EPS15: variants seen among roughly 807,000 people sequenced by gnomAD.
EPS15 encodes epidermal growth factor receptor substrate 15.
Under a neutral mutation model 113.8 loss-of-function variants are expected in EPS15, and 72 were observed. The observed-to-expected ratio is 0.63, with a 90% CI of 0.52 to 0.77. EPS15 has a LOEUF of 0.77. EPS15 is among the 30% of genes least tolerant of loss of function. The probability of loss-of-function intolerance (pLI) is 0.00; values close to 1 mark genes in which losing one functional copy is unlikely to be tolerated. For missense variants in EPS15, 1,048 were observed against 1,045.8 expected (o/e 1.00, Z -0.03); for synonymous variants, 344 against 363.4 (o/e 0.95, Z 0.61).
intron 1 of EPS15, among the ~76,000 whole-genome samples, chr1:51,495,695 C>A (rs576972132): frequency 0.03 from 4,521 of 151,628 alleles, 71 homozygotes; most frequent in African/African-American, 0.05. Context: ...AAAAAAAAAA[C>A]CTCTCCTTAA....
At chr1:51,518,468 T>G (rs1644768134) in intron 1 of EPS15, 1 of 152,478 alleles carries the variant, frequency 6.6e-6, no homozygotes, top group African/African-American at 2.4e-5. Flanking sequence ...GAGGGGAAGT[T>G]GAAGTGGAAG....
chr1:51,481,887 C>T (rs1644026787), intron 1 of EPS15, among the ~76,000 whole-genome samples: 3 of 152,156 alleles, frequency 2.0e-5, no homozygotes, highest in Admixed American at 2.0e-4. Flanking sequence ...TTTGAAGGAT[C>T]GACTGGGTGC....
chr1:51,372,472 T>C (rs895117282), intron 21 of EPS15: 11 of 533,680 alleles, frequency 2.1e-5, no homozygotes, highest in African/African-American at 1.5e-4. Flanking sequence ...GTCTGGTTTT[T>C]AGACCATGAT....
chr1:51,510,581 C>T (rs1644601977), intron 1 of EPS15, among the ~76,000 whole-genome samples: 1 of 152,028 alleles, frequency 6.6e-6, no homozygotes, highest in South Asian at 2.1e-4. Flanking sequence ...GATACTTAGC[C>T]CACTAGATAG....
chr1:51,436,943 C>T (rs974168206), intron 12 of EPS15, among the ~76,000 whole-genome samples: 2 of 152,020 alleles, frequency 1.3e-5, no homozygotes, highest in African/African-American at 4.8e-5. Flanking sequence ...GTCTTGAGCT[C>T]AAGTAAGAGA....
chr1:51,460,396 TGAAACTCAA>T (rs1654351075), intron 8 of EPS15, among the ~76,000 whole-genome samples: 1 of 152,174 alleles, frequency 6.6e-6, no homozygotes, highest in African/African-American at 2.4e-5. Context: ...ATAAATGAAG[TGAAACTCAA>T]GTGTTATTCA....
chr1:51,476,617 T>G (rs1267200622), intron 2 of EPS15, among the ~76,000 whole-genome samples: 1 of 152,232 alleles, frequency 6.6e-6, no homozygotes, highest in Non-Finnish European at 1.5e-5. Flanking sequence ...GCTAGCGGTC[T>G]ATCAATTTTG....
At chr1:51,469,823 C>T (rs1302566149) in intron 4 of EPS15, among the ~76,000 whole-genome samples, 5 of 152,064 alleles carry the variant, frequency 3.3e-5, no homozygotes, top group African/African-American at 1.2e-4. Flanking sequence ...AGAAAAACTA[C>T]CGCCTATGTC....
Position 51,374,217 on chromosome 1 carries a change from C to T in EPS15, c.2120-8188G>A, listed in dbSNP as rs530431108. On this transcript the variant is annotated intron_variant, in intron 21 of 24. Transcript: ENST00000371733. ...TTTAATTAACAGTTGGGAAGTTCTG[C>T]ATTTTCTGTCAGGAGTTAGTAAAAT... 2.0e-5 allele frequency among the ~76,000 whole-genome samples: 3 copies of T among 152,302 alleles called. No individual in the cohort carries two copies. The East Asian group carries it at 5.8e-4, about 29-fold the overall frequency.
rs34686780 is a variant in EPS15 at position 51,498,811 on chromosome 1, T to C, written c.34-17497A>G. ...AATTTGCCTGTTTTGAATACCTTAT[T>C]GCCACAGTTTGAATGTTTGTGTCCC... is the stretch of plus-strand genomic sequence containing the variant. On this transcript the variant is annotated intron_variant, in intron 1 of 24. Transcript: ENST00000371733. Among the ~76,000 whole-genome samples, 1,231 of 152,316 alleles carry C rather than the reference T, an allele frequency of 8.1e-3. 10 individuals carry two copies. Among genetic ancestry groups the C allele is most frequent in the Admixed American group, 0.018 (270 of 15,294 alleles).
chr1:51,364,069 C>CA lies in EPS15; in HGVS notation c.2197-42dup, dbSNP rs200761244. The CA allele has an allele frequency of 2.2e-4, 327 of 1,473,982 alleles. No homozygotes were observed. In the African/African-American group the frequency reaches 4.2e-3, roughly 19 times the overall value. The allele number at this position is 1,473,982 out of a possible 1,614,324, so 91.3% of individuals were successfully genotyped here. A position where few individuals can be genotyped will look rare whatever the true frequency, so the allele number is the denominator to read the frequency against. On this transcript the variant is annotated intron_variant, in intron 22 of 24. Transcript: ENST00000371733. ...AATGGTTATACATGGCTATACCAAG[C>CA]AAATTGTGGTAGTCATGTAGCATTC...
At chr1:51,493,086 G>A (rs976849014) in intron 1 of EPS15, among the ~76,000 whole-genome samples, 1 of 151,480 alleles carries the variant, frequency 6.6e-6, no homozygotes, top group Non-Finnish European at 1.5e-5. Flanking sequence ...AAAAGGCCAG[G>A]CACAGTGGCT....
chr1:51,368,270 G>A (rs902162826), intron 21 of EPS15, among the ~76,000 whole-genome samples: 1 of 152,150 alleles, frequency 6.6e-6, no homozygotes, highest in African/African-American at 2.4e-5. Flanking sequence ...ATAAAAAGAG[G>A]AGCAAAGAAG....
intron 1 of EPS15, among the ~76,000 whole-genome samples, chr1:51,509,257 T>TTTTTTTTTTTTTTTTGAGACGG (rs1644577141): frequency 6.6e-6 from 1 of 152,140 alleles, no homozygotes; most frequent in African/African-American, 2.4e-5. Flanking sequence ...TCATATTTTT[T>TTTTTTTTTTTTTTTTGAGACGG]ATATATGCAT....
intron 21 of EPS15, among the ~76,000 whole-genome samples, chr1:51,385,458 G>A (rs575824746): frequency 1.3e-5 from 2 of 152,252 alleles, no homozygotes; most frequent in East Asian, 1.9e-4. Flanking sequence ...ATTGTTGGCT[G>A]GTGTATAAAA....
At position 51,489,286 on chromosome 1, in the gene EPS15, C is replaced by CATATATATATATATAT. The variant is rs71063034; in HGVS notation, c.34-7988_34-7973dup. On this transcript the variant is annotated intron_variant, in intron 1 of 24. Coordinates refer to ENST00000371733, the MANE Select transcript of EPS15 (RefSeq NM_001981.3). ...TTTTACAAAGTATAGCCTAGTATAC[C>CATATATATATATATAT]ATATATATATATATATATATGTATG... is the stretch of plus-strand genomic sequence containing the variant. Among the ~76,000 whole-genome samples the CATATATATATATATAT allele has an allele frequency of 4.2e-4, 59 of 141,732 alleles. 1 individual carries two copies. The highest frequency in any genetic ancestry group is 1.2e-3 in the Admixed American group (17 of 14,118). 93.0% of individuals were successfully genotyped at this position (141,732 alleles called of 152,430 possible). A position where few individuals can be genotyped will look rare whatever the true frequency, so the allele number is the denominator to read the frequency against.
intron 21 of EPS15, among the ~76,000 whole-genome samples, chr1:51,380,649 G>A (rs1646919504): frequency 6.6e-6 from 1 of 152,008 alleles, no homozygotes; most frequent in Non-Finnish European, 1.5e-5. Context: ...AAAACTATAG[G>A]ACATACAGAA....
intron 5 of EPS15, among the ~76,000 whole-genome samples, chr1:51,467,757 G>A (rs931324564): frequency 6.6e-6 from 1 of 152,032 alleles, no homozygotes; most frequent in African/African-American, 2.4e-5. Flanking sequence ...CATGAACTGC[G>A]CATGTGAGGG....
At chr1:51,397,105 A>C (rs546483328) in intron 20 of EPS15, 26 of 152,270 alleles carry the variant, frequency 1.7e-4, no homozygotes, top group African/African-American at 6.3e-4. Flanking sequence ...GTTGTGAACT[A>C]CTTGCCTCAA....
Sources: gnomAD v4.1 joint callset for allele counts (sites outside exome capture counted in the v4.1 genomes callset) on GRCh38, gnomAD v4.1.1 for gene constraint, MANE v1.5 for transcripts, NCBI Gene and HGNC (gene_info 2026-07-23, HGNC 2026-07-21) for gene names.